SLC2A13: variants seen among roughly 807,000 people sequenced by gnomAD.
SLC2A13 encodes the protein solute carrier family 2 member 13, also known as proton myo-inositol cotransporter.
A neutral mutation model predicts 64.4 loss-of-function variants in SLC2A13; 32 were observed. The observed-to-expected ratio is 0.50, with a 90% CI of 0.37 to 0.67. SLC2A13 has a LOEUF of 0.67. Among genes scored for constraint, SLC2A13 ranks in the 30% least tolerant of loss-of-function variants. The pLI is 0.00. For missense variants in SLC2A13, 743 were observed against 829.2 expected (o/e 0.90, Z 1.28); for synonymous variants, 338 against 327.1 (o/e 1.03, Z -0.36).
intron 7 of SLC2A13, 99 bp downstream of exon 7, chr12:39,830,004 T>C (rs1222401420): frequency 6.8e-7 from 1 of 1,469,940 alleles, no homozygotes; most frequent in African/African-American, 1.4e-5. Context: ...GAAGGCCAGT[T>C]TAAAAGAACT....
intron 4 of SLC2A13, among the ~76,000 whole-genome samples, chr12:39,943,803 C>T (rs942654444): frequency 4.6e-5 from 7 of 152,204 alleles, no homozygotes; most frequent in Admixed American, 1.3e-4. Context: ...GCTTTTCCCA[C>T]GGTCTTTGCA....
intron 7 of SLC2A13, among the ~76,000 whole-genome samples, chr12:39,810,442 A>G (rs1203628312): frequency 2.0e-5 from 3 of 152,202 alleles, no homozygotes; most frequent in Non-Finnish European, 2.9e-5. Context: ...ATCTGAAAAT[A>G]GAGTATATAT....
rs1199554947 is a variant in SLC2A13, at chr12:39,896,384, GTATA to G, written c.1035-24427_1035-24424del. Among the ~76,000 whole-genome samples, 98 of 119,082 alleles carry G rather than the reference GTATA, an allele frequency of 8.2e-4. 1 individual carries two copies. Among genetic ancestry groups the G allele is most frequent in the African/African-American group, 3.8e-3 (91 of 23,908 alleles). 78.1% of individuals were successfully genotyped at this position (119,082 alleles called of 152,430 possible). On this transcript the variant is annotated intron_variant, in intron 4 of 9. Coordinates refer to ENST00000280871, the MANE Select transcript of SLC2A13 (RefSeq NM_052885.4). ...TGTATATATGTATACATATATGTAT[GTATA>G]TGTGTATATATGTATACATATATGT...
chr12:39,810,340 T>C (rs1445904263), intron 7 of SLC2A13, among the ~76,000 whole-genome samples: 1 of 152,232 alleles, frequency 6.6e-6, no homozygotes, highest in Admixed American at 6.5e-5. Flanking sequence ...TTGTTAGTAA[T>C]AGAAATAAAA....
At chr12:39,958,970 T>C (rs1328852747) in intron 3 of SLC2A13, among the ~76,000 whole-genome samples, 4 of 152,162 alleles carry the variant, frequency 2.6e-5, no homozygotes, top group South Asian at 2.1e-4. Context: ...TTACTTCCCA[T>C]TGTGCTTAGT....
intron 4 of SLC2A13, among the ~76,000 whole-genome samples, chr12:39,925,617 C>G (rs1218505637): frequency 6.6e-6 from 1 of 152,062 alleles, no homozygotes; most frequent in Non-Finnish European, 1.5e-5. Flanking sequence ...AGCTAGGAAG[C>G]TATGGTTCAG....
chr12:39,917,010 C>A (rs568185625), intron 4 of SLC2A13, among the ~76,000 whole-genome samples: 4 of 152,176 alleles, frequency 2.6e-5, no homozygotes, highest in African/African-American at 9.6e-5. Flanking sequence ...AAACAAGTCA[C>A]AAATTCAATT....
At chr12:39,783,195 T>G (rs952051865) in intron 7 of SLC2A13, among the ~76,000 whole-genome samples, 1 of 152,244 alleles carries the variant, frequency 6.6e-6, no homozygotes, top group Non-Finnish European at 1.5e-5. Flanking sequence ...ACGAAGGACA[T>G]GAACTCATCC....
chr12:40,035,112 G>A (rs1057288306), intron 2 of SLC2A13, among the ~76,000 whole-genome samples: 2 of 152,106 alleles, frequency 1.3e-5, no homozygotes, highest in Admixed American at 6.5e-5. Context: ...CAACTACATT[G>A]TTCAATGTTC....
At position 40,029,613 on chromosome 12, in the gene SLC2A13, C is replaced by G. The variant is rs1441570676; in HGVS notation, c.717-1104G>C. Among the ~76,000 whole-genome samples, 4 of 152,254 alleles carry G rather than the reference C, an allele frequency of 2.6e-5. No individual in the cohort carries two copies. In the East Asian group the frequency reaches 5.8e-4, roughly 22 times the overall value. ...CAGAGATAAATCTCACAAAATAAGT[C>G]TGCTATTTTCCAAGCAATTTCATTT... On this transcript the variant is annotated intron_variant, in intron 2 of 9. Transcript: ENST00000280871.
At chr12:39,808,636 G>A (rs558125683) in intron 7 of SLC2A13, among the ~76,000 whole-genome samples, 1 of 152,228 alleles carries the variant, frequency 6.6e-6, no homozygotes, top group Non-Finnish European at 1.5e-5. Flanking sequence ...TTGGTGTGCT[G>A]TAGCATGTCA....
intron 1 of SLC2A13, among the ~76,000 whole-genome samples, chr12:40,079,118 G>A (rs2404352): frequency 0.41 from 61,730 of 151,918 alleles, 12,807 homozygotes; most frequent in African/African-American, 0.44. Flanking sequence ...TTCACCTGTG[G>A]TTTTTGTTCA....
intron 4 of SLC2A13, among the ~76,000 whole-genome samples, chr12:39,900,320 A>C (rs1340077324): frequency 6.6e-6 from 1 of 152,170 alleles, no homozygotes. Context: ...TATTCAACAT[A>C]GTGTTGGAAG....
At chr12:39,795,270 C>T (rs1157424174) in intron 7 of SLC2A13, among the ~76,000 whole-genome samples, 1 of 151,586 alleles carries the variant, frequency 6.6e-6, no homozygotes, top group Admixed American at 6.6e-5. Flanking sequence ...TTTTCATATC[C>T]GTCTTTCAGT....
chr12:40,039,776 G>A (rs1948054720), intron 2 of SLC2A13, among the ~76,000 whole-genome samples: 2 of 152,206 alleles, frequency 1.3e-5, no homozygotes, highest in Non-Finnish European at 2.9e-5. Context: ...CCACCAAAGT[G>A]GGACATTTGT....
At chr12:39,975,469 A>G (rs1946742524) in intron 3 of SLC2A13, among the ~76,000 whole-genome samples, 1 of 152,230 alleles carries the variant, frequency 6.6e-6, no homozygotes, top group African/African-American at 2.4e-5. Flanking sequence ...GACTTAGACA[A>G]TGCCTAAATT....
intron 4 of SLC2A13, among the ~76,000 whole-genome samples, chr12:39,899,735 T>C (rs1449938578): frequency 4.6e-5 from 7 of 152,206 alleles, no homozygotes; most frequent in African/African-American, 7.2e-5. Context: ...CATTTATTTA[T>C]GTACCCAGTA....
At chr12:39,886,168 T>C (rs372079770) in intron 4 of SLC2A13, among the ~76,000 whole-genome samples, 1 of 152,188 alleles carries the variant, frequency 6.6e-6, no homozygotes, top group African/African-American at 2.4e-5. Context: ...AGATGATCAA[T>C]TTTTTAACAG....
At chr12:40,095,849 T>C (rs931228826) in intron 1 of SLC2A13, among the ~76,000 whole-genome samples, 10 of 152,348 alleles carry the variant, frequency 6.6e-5, no homozygotes, top group African/African-American at 2.2e-4. Flanking sequence ...TAGAAAATTA[T>C]TGCAATTTAT....
Sources: allele counts gnomAD v4.1 joint callset (sites outside exome capture counted in the v4.1 genomes callset), GRCh38; gene constraint gnomAD v4.1.1; transcripts MANE v1.5; gene names NCBI Gene and HGNC (gene_info 2026-07-23, HGNC 2026-07-21).